The following DENND1A variants were observed in gnomAD, a reference collection of about 807,000 sequenced individuals.
The protein encoded by DENND1A is DENN domain-containing protein 1A.
Under a neutral mutation model 113.7 loss-of-function variants are expected in DENND1A, and 51 were observed. That is an observed-to-expected ratio of 0.45 (90% CI 0.36 to 0.57). The LOEUF is 0.57. Among genes scored for constraint, DENND1A ranks in the 20% least tolerant of loss-of-function variants. The pLI is 0.00. For synonymous variants in DENND1A, 565 were observed against 570.8 expected, an observed-to-expected ratio of 0.99 and a Z score of 0.14; for missense variants, 1,258 against 1,395.9, an observed-to-expected ratio of 0.90 and a Z score of 1.57.
At chr9:123,743,234 G>A (rs1589894727) in intron 5 of DENND1A, among the ~76,000 whole-genome samples, 1 of 151,802 alleles carries the variant, frequency 6.6e-6, no homozygotes, top group African/African-American at 2.4e-5. Context: ...ACAAAACCCT[G>A]TCTCTACTAA....
intron 12 of DENND1A, among the ~76,000 whole-genome samples, chr9:123,573,845 G>A (rs2058486141): frequency 1.3e-5 from 2 of 151,792 alleles, no homozygotes; most frequent in South Asian, 2.1e-4. Context: ...TTTCATTCTC[G>A]GGGGAAAGAA....
At chr9:123,737,932 C>G (rs2068693996) in intron 5 of DENND1A, among the ~76,000 whole-genome samples, 1 of 152,150 alleles carries the variant, frequency 6.6e-6, no homozygotes, top group Non-Finnish European at 1.5e-5. Flanking sequence ...TACTGATATC[C>G]TTCTGGGAAA....
chr9:123,894,948 C>A (rs1850489287), intron 1 of DENND1A, among the ~76,000 whole-genome samples: 1 of 152,058 alleles, frequency 6.6e-6, no homozygotes, highest in Non-Finnish European at 1.5e-5. Context: ...GGATTTTAAA[C>A]AAGAGACACA....
Position 123,495,141 on chromosome 9 carries a change from T to TTCTCTCTCTCTCTCTCTC in DENND1A, c.994-37262_994-37245dup, listed in dbSNP as rs56390148. 8.0e-3 allele frequency among the ~76,000 whole-genome samples: 1,125 copies of TTCTCTCTCTCTCTCTCTC among 140,588 alleles called. 31 individuals are homozygous for TTCTCTCTCTCTCTCTCTC. Among genetic ancestry groups the TTCTCTCTCTCTCTCTCTC allele is most frequent in the Non-Finnish European group, 0.011 (736 of 66,218 alleles). 92.2% of individuals were successfully genotyped at this position (140,588 alleles called of 152,430 possible). ...TCTATTATGACCCATCATTGTCTCT[T>TTCTCTCTCTCTCTCTCTC]TCTCTCTCTCTCTCTCTCTCTCTCT... On this transcript the variant is annotated intron_variant, in intron 13 of 23. Transcript: ENST00000394215.
intron 3 of DENND1A, among the ~76,000 whole-genome samples, chr9:123,785,746 T>TAAC (rs10688311): frequency 0.12 from 18,240 of 152,184 alleles, 1,412 homozygotes; most frequent in African/African-American, 0.22. Context: ...GCTATCATGC[T>TAAC]AACAATCAGC....
At chr9:123,866,620 G>A (rs549165025) in intron 2 of DENND1A, among the ~76,000 whole-genome samples, 28 of 152,154 alleles carry the variant, frequency 1.8e-4, no homozygotes, top group African/African-American at 6.5e-4. Context: ...GTTTGATTTT[G>A]GTTTGGAGTT....
intron 13 of DENND1A, among the ~76,000 whole-genome samples, chr9:123,467,629 T>C (rs2049064428): frequency 6.6e-6 from 1 of 152,152 alleles, no homozygotes; most frequent in Non-Finnish European, 1.5e-5. Context: ...CACTCCAGCG[T>C]GGGCAACAAG....
chr9:123,746,250 G>GT (rs1313335668), intron 5 of DENND1A, among the ~76,000 whole-genome samples: 1 of 152,100 alleles, frequency 6.6e-6, no homozygotes, highest in Non-Finnish European at 1.5e-5. Flanking sequence ...ACTTTATCAA[G>GT]TATTTACTGT....
chr9:123,872,272 C>G (rs1217763851), intron 2 of DENND1A, among the ~76,000 whole-genome samples: 1 of 152,066 alleles, frequency 6.6e-6, no homozygotes, highest in East Asian at 1.9e-4. Context: ...CATAAACTGA[C>G]AAGCATTATA....
chr9:123,507,080 T>G (rs970555944), intron 13 of DENND1A, among the ~76,000 whole-genome samples: 1 of 152,116 alleles, frequency 6.6e-6, no homozygotes, highest in Non-Finnish European at 1.5e-5. Context: ...TCCCAGCTAC[T>G]TGGGAGGCTG....
intron 1 of DENND1A, among the ~76,000 whole-genome samples, chr9:123,891,008 C>T (rs1396160425): frequency 3.3e-5 from 5 of 152,058 alleles, no homozygotes; most frequent in Non-Finnish European, 2.9e-5. Flanking sequence ...CTCCTCCACA[C>T]ACCCTTCAAA....
chr9:123,594,722 C>CATCTACCCAGTTCTTACAACTGGGTAG (rs1323624354), intron 11 of DENND1A, among the ~76,000 whole-genome samples: 1 of 152,116 alleles, frequency 6.6e-6, no homozygotes, highest in African/African-American at 2.4e-5. Flanking sequence ...CAACTGGATG[C>CATCTACCCAGTTCTTACAACTGGGTAG]ATCAGAGAAA....
chr9:123,495,140 T>TC lies in DENND1A; in HGVS notation c.994-37244_994-37243insG, dbSNP rs1158320525. ...ATCTATTATGACCCATCATTGTCTC[T>TC]TTCTCTCTCTCTCTCTCTCTCTCTC... On this transcript the variant is annotated intron_variant, in intron 13 of 23. Coordinates refer to ENST00000394215, the MANE Select transcript of DENND1A (RefSeq NM_001352964.2). Among the ~76,000 whole-genome samples, 725 of 77,032 alleles carry TC rather than the reference T, an allele frequency of 9.4e-3. 17 individuals are homozygous for TC. Among genetic ancestry groups the TC allele is most frequent in the African/African-American group, 0.022 (628 of 29,166 alleles). 50.5% of individuals were successfully genotyped at this position (77,032 alleles called of 152,430 possible). A position where few individuals can be genotyped will look rare whatever the true frequency, so the allele number is the denominator to read the frequency against.
Position 123,652,140 on chromosome 9 carries a change from G to A in DENND1A, c.508-17C>T. Reference sequence around the variant, plus strand: ...CAGATTTCTCTAGGAGAAAGAAGAAGGCACGGTTTGTGGCTGATTTTCTTT... The same window carrying A: ...CAGATTTCTCTAGGAGAAAGAAGAAAGCACGGTTTGTGGCTGATTTTCTTT... On this transcript the variant is annotated splice_polypyrimidine_tract_variant and intron_variant, in intron 8 of 23. Coordinates refer to ENST00000394215, the MANE Select transcript of DENND1A (RefSeq NM_001352964.2). The A allele has an allele frequency of 6.2e-7, 1 of 1,606,272 alleles. No individual in the cohort carries two copies. The highest frequency in any genetic ancestry group is 8.5e-7 in the Non-Finnish European group (1 of 1,173,082).
rs2063525564 is a variant in DENND1A at position 123,667,032 on chromosome 9, A to T, written c.501T>A (p.Pro167=). 3.1e-6 allele frequency: 5 copies of T among 1,591,698 alleles called. No individual in the cohort carries two copies. In the East Asian group the frequency reaches 9.3e-5, roughly 29 times the overall value. The stretch of plus-strand genomic sequence containing the variant: ...CTTCTTCCCAAGTACTTACATTCTC[A>T]GGTATGCTGGGAAGTTCTCTGGTAT... ...VPDTRELPSI[P]ENRNLTEYFV... The change falls in exon 8 of 24, where the codon CCT becomes CCA. Residue 167 remains proline (P), a synonymous_variant. Coordinates refer to ENST00000394215, the MANE Select transcript of DENND1A (RefSeq NM_001352964.2).
chr9:123,714,501 C>T lies in DENND1A; in HGVS notation c.303-37712G>A, dbSNP rs190334539. ...CCTGTAATCCCAGCTACCAGGGAGGCTGAAGAAGGAGAATTGCTTGAACCC... is the reference window on the plus strand; with the variant it reads ...CCTGTAATCCCAGCTACCAGGGAGGTTGAAGAAGGAGAATTGCTTGAACCC... On this transcript the variant is annotated intron_variant, in intron 5 of 23. Coordinates refer to ENST00000394215, the MANE Select transcript of DENND1A (RefSeq NM_001352964.2). 4.6e-5 allele frequency among the ~76,000 whole-genome samples: 7 copies of T among 152,206 alleles called. No homozygotes were observed. In the East Asian group the frequency reaches 9.7e-4, roughly 21 times the overall value.
chr9:123,858,279 G>A (rs1360833582), intron 2 of DENND1A, among the ~76,000 whole-genome samples: 6 of 152,166 alleles, frequency 3.9e-5, no homozygotes, highest in East Asian at 3.9e-4. Flanking sequence ...CGACATAGTC[G>A]ACTGACGTAG....
intron 11 of DENND1A, among the ~76,000 whole-genome samples, chr9:123,604,666 G>C (rs1003863009): frequency 2.0e-5 from 3 of 152,162 alleles, no homozygotes; most frequent in Non-Finnish European, 4.4e-5. Flanking sequence ...GCAGGGGTTT[G>C]GAAGTACATT....
rs1271455410 is a variant in DENND1A, at chr9:123,674,390, ACAC to A, written c.372+2327_372+2329del. Reference sequence around the variant, plus strand: ...CACACACACACACACACACACACACACACAATAGAAGCCTATCTTGCTTCCCAA... The same window carrying A: ...CACACACACACACACACACACACACAAATAGAAGCCTATCTTGCTTCCCAA... On this transcript the variant is annotated intron_variant, in intron 6 of 23. Coordinates refer to ENST00000394215, the MANE Select transcript of DENND1A (RefSeq NM_001352964.2). Among the ~76,000 whole-genome samples the A allele has an allele frequency of 4.8e-5, 7 of 145,514 alleles. No homozygotes were observed. In the East Asian group the frequency reaches 9.9e-4, roughly 21 times the overall value.
Sources: allele counts gnomAD v4.1 joint callset (sites outside exome capture counted in the v4.1 genomes callset), GRCh38; gene constraint gnomAD v4.1.1; transcripts MANE v1.5; gene names NCBI Gene and HGNC (gene_info 2026-07-23, HGNC 2026-07-21).